Variants in PTPRN2 observed in about 807,000 individuals in gnomAD.
PTPRN2 encodes receptor-type tyrosine-protein phosphatase N2.
In PTPRN2, 74 loss-of-function variants were observed where a neutral mutation model predicts 118.8. That is an observed-to-expected ratio of 0.62 (90% confidence interval 0.52 to 0.76). The LOEUF is 0.76. Among genes scored for constraint, PTPRN2 ranks in the 30% least tolerant of loss-of-function variants. The pLI is 0.00. For missense variants in PTPRN2, 1,481 were observed against 1,394.4 expected, an observed-to-expected ratio of 1.06 and a Z score of -0.99; for synonymous variants, 641 against 608.0, an observed-to-expected ratio of 1.05 and a Z score of -0.80.
At chr7:158,080,650 C>G (rs1812749726) in intron 11 of PTPRN2, among the ~76,000 whole-genome samples, 1 of 150,782 alleles carries the variant, frequency 6.6e-6, no homozygotes, top group Non-Finnish European at 1.5e-5. Flanking sequence ...TTCTTCAAGA[C>G]TCTGGAGAGT....
chr7:158,130,874 C>T (rs1301648483), intron 9 of PTPRN2, among the ~76,000 whole-genome samples: 4 of 149,068 alleles, frequency 2.7e-5, no homozygotes, highest in Non-Finnish European at 1.5e-5. Context: ...CATATACACG[C>T]ATGCATATAC....
At position 157,712,795 on chromosome 7, in the gene PTPRN2, G is replaced by A. The variant is rs963662629; in HGVS notation, c.1789-29858C>T. ...AAAAAGGGAAATTCAGACACAGACAGACGTGCACAGGGAGCGGGTCACACA... is the reference window on the plus strand; with the variant it reads ...AAAAAGGGAAATTCAGACACAGACAAACGTGCACAGGGAGCGGGTCACACA... On this transcript the variant is annotated intron_variant, in intron 12 of 22. Coordinates refer to ENST00000389418, the MANE Select transcript of PTPRN2 (RefSeq NM_002847.5). Among the ~76,000 whole-genome samples the A allele has an allele frequency of 8.0e-5, 12 of 150,044 alleles. No individual in the cohort carries two copies. The South Asian group carries it at 2.5e-3, about 32-fold the overall frequency.
intron 2 of PTPRN2, among the ~76,000 whole-genome samples, chr7:158,382,516 C>T (rs771629211): frequency 7.2e-5 from 11 of 152,196 alleles, no homozygotes; most frequent in African/African-American, 7.2e-5. Flanking sequence ...TCTATTCTTA[C>T]AGCAGGAGTC....
At chr7:157,688,125 T>C (rs1467509891) in intron 12 of PTPRN2, among the ~76,000 whole-genome samples, 1 of 152,186 alleles carries the variant, frequency 6.6e-6, no homozygotes. Context: ...AAAAGAATCT[T>C]CAAGGAAAAA....
At chr7:157,721,615 T>C (rs146363194) in intron 12 of PTPRN2, among the ~76,000 whole-genome samples, 350 of 152,282 alleles carry the variant, frequency 2.3e-3, no homozygotes, top group African/African-American at 8.1e-3. Flanking sequence ...GCAGCTCCCC[T>C]CTACACTGGG....
intron 12 of PTPRN2, among the ~76,000 whole-genome samples, chr7:157,710,454 A>C (rs1316732207): frequency 6.6e-6 from 1 of 152,064 alleles, no homozygotes; most frequent in Non-Finnish European, 1.5e-5. Flanking sequence ...AAACAATAAA[A>C]AAATCACCCA....
intron 5 of PTPRN2, among the ~76,000 whole-genome samples, chr7:158,183,306 T>A (rs114619496): frequency 1.1e-3 from 163 of 152,336 alleles, no homozygotes; most frequent in African/African-American, 3.9e-3. Flanking sequence ...TATTGAGATG[T>A]GAGATATTGT....
intron 3 of PTPRN2, among the ~76,000 whole-genome samples, chr7:158,303,450 T>C (rs2151052830): frequency 6.6e-6 from 1 of 152,378 alleles, no homozygotes; most frequent in South Asian, 2.1e-4. Flanking sequence ...ATTTTACTGC[T>C]CTATACTATA....
rs1339133577 is a variant in PTPRN2 at position 158,213,246 on chromosome 7, GT to G, written c.278-7974del. Among the ~76,000 whole-genome samples the G allele has an allele frequency of 2.5e-3, 373 of 150,778 alleles. 1 individual carries two copies. The highest frequency in any genetic ancestry group is 8.5e-3 in the African/African-American group (345 of 40,796). On this transcript the variant is annotated intron_variant, in intron 3 of 22. Transcript: ENST00000389418. ...TGTGTGTGTGTGTGTGTGTGTGTGTGTGTGTGGCGTAGGAAGTCCAGAACAT... is the reference window on the plus strand; with the variant it reads ...TGTGTGTGTGTGTGTGTGTGTGTGTGGTGTGGCGTAGGAAGTCCAGAACAT...
At chr7:158,242,622 G>A (rs1049221396) in intron 3 of PTPRN2, among the ~76,000 whole-genome samples, 1 of 152,198 alleles carries the variant, frequency 6.6e-6, no homozygotes, top group Admixed American at 6.5e-5. Flanking sequence ...AGTTCTTCTG[G>A]AAGTGTCTGG....
rs373321914 is a variant in PTPRN2 at position 158,342,137 on chromosome 7, C to T, written c.164-25205G>A. Among the ~76,000 whole-genome samples the T allele has an allele frequency of 3.1e-4, 46 of 147,948 alleles. No individual in the cohort carries two copies. The East Asian group carries it at 7.2e-3, about 23-fold the overall frequency. On this transcript the variant is annotated intron_variant, in intron 2 of 22. Transcript: ENST00000389418. Reference sequence around the variant, plus strand: ...CCCACACTCTCACCATAAGAGCTGTCGCCCGCAGAGGTCACTCACACCCAC... The same window carrying T: ...CCCACACTCTCACCATAAGAGCTGTTGCCCGCAGAGGTCACTCACACCCAC...
chr7:157,766,426 CCATCCATCCATG>C (rs1802494956), intron 12 of PTPRN2, among the ~76,000 whole-genome samples: 1 of 152,094 alleles, frequency 6.6e-6, no homozygotes. Context: ...AACCATCCAT[CCATCCATCCATG>C]CATCCATCCT....
intron 2 of PTPRN2, among the ~76,000 whole-genome samples, chr7:158,336,855 C>A (rs28623760): frequency 8.7e-5 from 9 of 103,226 alleles, no homozygotes; most frequent in Admixed American, 8.3e-4. Flanking sequence ...CACACTCTCA[C>A]CATAAGAGCT....
chr7:158,126,057 A>G (rs1175726429), intron 9 of PTPRN2, among the ~76,000 whole-genome samples: 5 of 138,816 alleles, frequency 3.6e-5, no homozygotes, highest in African/African-American at 8.6e-5. Flanking sequence ...ACCAGCCCCC[A>G]GGACAGCGGG....
intron 19 of PTPRN2, among the ~76,000 whole-genome samples, chr7:157,572,315 C>T (rs1395946751): frequency 2.0e-5 from 3 of 152,126 alleles, no homozygotes; most frequent in Admixed American, 1.3e-4. Flanking sequence ...TGGAATAAAG[C>T]ATGTGTGAAG....
chr7:157,979,645 C>T (rs1378874349), intron 11 of PTPRN2, among the ~76,000 whole-genome samples: 6 of 152,330 alleles, frequency 3.9e-5, no homozygotes, highest in South Asian at 2.1e-4. Context: ...TCCAGAGCGA[C>T]GCTGCCTCCG....
At chr7:158,038,877 G>C (rs1808264324) in intron 11 of PTPRN2, among the ~76,000 whole-genome samples, 1 of 151,478 alleles carries the variant, frequency 6.6e-6, no homozygotes, top group Admixed American at 6.6e-5. Flanking sequence ...GAAAATTGAA[G>C]TGTTCAAACA....
At chr7:157,978,110 C>A (rs1189315307) in intron 11 of PTPRN2, among the ~76,000 whole-genome samples, 2 of 151,990 alleles carry the variant, frequency 1.3e-5, no homozygotes, top group Non-Finnish European at 2.9e-5. Flanking sequence ...AAGAGGTTTA[C>A]AGATGCCTTG....
chr7:158,142,848 T>C (rs1190259628), intron 6 of PTPRN2, among the ~76,000 whole-genome samples: 2 of 152,214 alleles, frequency 1.3e-5, no homozygotes, highest in Non-Finnish European at 2.9e-5. Context: ...ACGGCACCCA[T>C]GCCCCAGCTC....
Sources: allele counts gnomAD v4.1 joint callset (sites outside exome capture counted in the v4.1 genomes callset), GRCh38; gene constraint gnomAD v4.1.1; transcripts MANE v1.5; gene names NCBI Gene and HGNC (gene_info 2026-07-23, HGNC 2026-07-21).